BEND2: variants seen among roughly 807,000 people sequenced by gnomAD.
The protein encoded by BEND2 is BEN domain-containing protein 2.
Under a neutral mutation model 43.8 loss-of-function variants are expected in BEND2, and 19 were observed. The observed-to-expected ratio is 0.43, with a 90% CI of 0.30 to 0.64. BEND2 has a LOEUF of 0.64. Ranked by LOEUF, BEND2 falls within the 30% of genes least tolerant of loss-of-function variation. The probability of loss-of-function intolerance (pLI) is 0.11; values close to 1 mark genes in which losing one functional copy is unlikely to be tolerated. For synonymous variants in BEND2, 226 were observed against 210.1 expected, an observed-to-expected ratio of 1.08 and a Z score of -0.66; for missense variants, 544 against 574.0, an observed-to-expected ratio of 0.95 and a Z score of 0.53.
intron 13 of BEND2, among the ~76,000 whole-genome samples, chrX:18,167,900 C>T (rs766959862): frequency 1.5e-4 from 17 of 112,366 alleles, no homozygotes; most frequent in Non-Finnish European, 3.0e-4. Context: ...GTGACATTTT[C>T]GGCTGCATTA....
At position 18,220,791 on chromosome X, in the gene BEND2, G is replaced by A; in HGVS notation, c.-41C>T. ...TCTGGCTCTGAGGCCCGAGACCTGA[G>A]GCCCGAGACCTGAGGCCTACGTCTG... On this transcript the variant is annotated 5_prime_UTR_variant, in exon 1 of 14. Transcript: ENST00000380033. The A allele has an allele frequency of 1.7e-6, 2 of 1,187,863 alleles. No individual in the cohort carries two copies. The highest frequency in any genetic ancestry group is 2.3e-6 in the Non-Finnish European group (2 of 878,579).
At chrX:18,218,529 T>C (rs757591788) in intron 1 of BEND2, among the ~76,000 whole-genome samples, 1 of 112,224 alleles carries the variant, frequency 8.9e-6, no homozygotes, top group East Asian at 2.8e-4. Flanking sequence ...ACACATAACT[T>C]TCCCAATTAA....
At chrX:18,186,267 G>A (rs1380694816) in intron 8 of BEND2, among the ~76,000 whole-genome samples, 1 of 110,229 alleles carries the variant, frequency 9.1e-6, no homozygotes, top group African/African-American at 3.3e-5. Flanking sequence ...ACACCAGCCT[G>A]GCCAACATGG....
chrX:18,185,517 C>T (rs1415654591), intron 8 of BEND2, among the ~76,000 whole-genome samples: 1 of 94,099 alleles, frequency 1.1e-5, no homozygotes, highest in East Asian at 3.4e-4. Flanking sequence ...GGTGACAGAG[C>T]GAGACTCAGT....
At chrX:18,187,776 T>C (rs1924623396) in intron 8 of BEND2, among the ~76,000 whole-genome samples, 1 of 112,000 alleles carries the variant, frequency 8.9e-6, no homozygotes, top group Non-Finnish European at 1.9e-5. Context: ...ACAAAATAAG[T>C]CTGAAAATAT....
At chrX:18,188,814 A>G (rs1375444819) in intron 8 of BEND2, among the ~76,000 whole-genome samples, 1 of 112,245 alleles carries the variant, frequency 8.9e-6, no homozygotes, top group East Asian at 2.8e-4. Context: ...AGACAAAGAC[A>G]CATCAAAAAA....
At chrX:18,203,318 C>T (rs760069082) in intron 5 of BEND2, among the ~76,000 whole-genome samples, 183 bp downstream of exon 5, 2 of 111,196 alleles carry the variant, frequency 1.8e-5, no homozygotes, top group South Asian at 7.6e-4. Context: ...TGAGATGTTA[C>T]CACTGGGGAA....
chrX:18,196,599 T>C (rs763448829), intron 6 of BEND2, among the ~76,000 whole-genome samples: 109 of 108,492 alleles, frequency 1.0e-3, no homozygotes, highest in African/African-American at 2.8e-3. Context: ...AAAACAACTA[T>C]TGTATATCCA....
intron 4 of BEND2, among the ~76,000 whole-genome samples, chrX:18,205,434 C>T (rs1156282062): frequency 1.9e-5 from 2 of 106,035 alleles, no homozygotes; most frequent in Admixed American, 2.1e-4. Flanking sequence ...AACTCCGTCT[C>T]TAGAAAAAAA....
chrX:18,173,907 A>C, intron 12 of BEND2, 123 bp downstream of exon 12: 1 of 589,468 alleles, frequency 1.7e-6, no homozygotes, highest in East Asian at 3.6e-5. Flanking sequence ...CTTTCTGATG[A>C]AATTTCTCAA....
At chrX:18,200,689 T>C (rs1460326027) in intron 6 of BEND2, among the ~76,000 whole-genome samples, 1 of 110,793 alleles carries the variant, frequency 9.0e-6, no homozygotes, top group East Asian at 2.8e-4. Context: ...AGATCAGTAG[T>C]TACCAGGTGT....
At position 18,195,450 on chromosome X, in the gene BEND2, G is replaced by A; in HGVS notation, c.1034-8C>T. 2 of 1,159,308 alleles carry A rather than the reference G, an allele frequency of 1.7e-6. No homozygotes were observed. The highest frequency in any genetic ancestry group is 2.4e-5 in the Admixed American group (1 of 41,109). On this transcript the variant is annotated splice_polypyrimidine_tract_variant and splice_region_variant and intron_variant, in intron 6 of 13. Transcript: ENST00000380033. ...TAAGTATAATTTTCTCAGCTATTGG[G>A]AAAAAAAAAGAATGCTCAATCATAA...
At chrX:18,217,806 C>T (rs951258766) in intron 1 of BEND2, among the ~76,000 whole-genome samples, 1 of 111,148 alleles carries the variant, frequency 9.0e-6, no homozygotes, top group African/African-American at 3.3e-5. Context: ...TCAGGCAGGG[C>T]GCGGTAGCGA....
intron 7 of BEND2, among the ~76,000 whole-genome samples, chrX:18,193,209 T>G (rs2147412528): frequency 9.0e-6 from 1 of 110,501 alleles, no homozygotes; most frequent in South Asian, 3.9e-4. Context: ...TCCCAGCTAC[T>G]TAGGAGGCTG....
chrX:18,197,589 T>G (rs911376667), intron 6 of BEND2, among the ~76,000 whole-genome samples: 23 of 111,705 alleles, frequency 2.1e-4, no homozygotes, highest in African/African-American at 7.5e-4. Context: ...AGGAAGAACA[T>G]GGGCCGCTGC....
chrX:18,220,667 G>C, intron 1 of BEND2, 59 bp downstream of exon 1: 1 of 1,203,494 alleles, frequency 8.3e-7, no homozygotes, highest in Non-Finnish European at 1.1e-6. Context: ...GTGCCATCCA[G>C]ACTCTTGACA....
At chrX:18,208,487 A>AAT (rs758754076) in intron 4 of BEND2, among the ~76,000 whole-genome samples, 127 of 110,653 alleles carry the variant, frequency 1.1e-3, no homozygotes, top group African/African-American at 2.1e-3. Context: ...TTCCATCTCA[A>AAT]ATATATATAT....
Position 18,177,599 on chromosome X carries a change from G to C in BEND2, c.1600C>G (p.Leu534Val). 8.3e-7 allele frequency: 1 copy of C among 1,211,139 alleles called. No homozygotes were observed. The highest frequency in any genetic ancestry group is 1.1e-6 in the Non-Finnish European group (1 of 895,138). Residue 534 changes from leucine to valine, a missense_variant, in exon 10 of 14, where the codon CTC becomes GTC. Leu to Val is a conservative substitution (Grantham distance 32). Coordinates refer to ENST00000380033, the MANE Select transcript of BEND2 (RefSeq NM_153346.5). ...VDIHLKDSQS[L>V]DPNKMAALRE... ...AATGCAGCCATTTTGTTCGGGTCGAGGGATTGGCTGTCTTTCAAATGGATA... is the reference window on the plus strand; with the variant it reads ...AATGCAGCCATTTTGTTCGGGTCGACGGATTGGCTGTCTTTCAAATGGATA...
intron 12 of BEND2, among the ~76,000 whole-genome samples, chrX:18,172,813 T>A (rs1223905260): frequency 9.0e-6 from 1 of 111,080 alleles, no homozygotes; most frequent in Non-Finnish European, 1.9e-5. Flanking sequence ...TGGGAGGCAA[T>A]TAAATAAATT....
Sources: gnomAD v4.1 joint callset for allele counts (sites outside exome capture counted in the v4.1 genomes callset) on GRCh38, gnomAD v4.1.1 for gene constraint, MANE v1.5 for transcripts, NCBI Gene and HGNC (gene_info 2026-07-23, HGNC 2026-07-21) for gene names.